Variants in CYTH3 observed in about 807,000 individuals in gnomAD.
CYTH3 encodes the protein cytohesin-3.
CYTH3 carries 23 observed loss-of-function variants against 55.1 expected under a neutral mutation model. That is an observed-to-expected ratio of 0.42 (90% CI 0.30 to 0.59). The LOEUF is 0.59. CYTH3 is among the 20% of genes least tolerant of loss of function. CYTH3 has a pLI of 0.20. For missense variants in CYTH3, 413 were observed against 524.8 expected, an observed-to-expected ratio of 0.79 and a Z score of 2.08; for synonymous variants, 249 against 194.9, an observed-to-expected ratio of 1.28 and a Z score of -2.31.
At chr7:6,247,832 T>C (rs2115043684) in intron 1 of CYTH3, among the ~76,000 whole-genome samples, 1 of 152,010 alleles carries the variant, frequency 6.6e-6, no homozygotes, top group Non-Finnish European at 1.5e-5. Flanking sequence ...TCTTGTTTTT[T>C]GTAGAGACGG....
chr7:6,184,980 T>C (rs1302700797), intron 4 of CYTH3, among the ~76,000 whole-genome samples: 1 of 152,236 alleles, frequency 6.6e-6, no homozygotes, highest in Non-Finnish European at 1.5e-5. Context: ...CTGCACTACT[T>C]GGGTCCCCTT....
chr7:6,186,148 G>A (rs1783642755), intron 4 of CYTH3, among the ~76,000 whole-genome samples: 1 of 151,576 alleles, frequency 6.6e-6, no homozygotes, highest in African/African-American at 2.4e-5. Context: ...GGAGGCTGAG[G>A]CAGGAGAATG....
intron 1 of CYTH3, among the ~76,000 whole-genome samples, chr7:6,259,425 A>T (rs936412374): frequency 6.6e-6 from 1 of 152,166 alleles, no homozygotes; most frequent in Non-Finnish European, 1.5e-5. Flanking sequence ...CTCAAAGAGT[A>T]AATTTACTCG....
Position 6,209,800 on chromosome 7 carries a change from C to T in CYTH3, c.35-19269G>A, listed in dbSNP as rs976146657. On this transcript the variant is annotated intron_variant, in intron 1 of 12. Transcript: ENST00000350796. ...GATAGTAAGAGATCAGCTCTCAAGC[C>T]TTGAAAAGACATAAAGGAACTTTAA... 2.0e-5 allele frequency among the ~76,000 whole-genome samples: 3 copies of T among 152,236 alleles called. No homozygotes were observed. In the East Asian group the frequency reaches 5.8e-4, roughly 29 times the overall value.
intron 4 of CYTH3, among the ~76,000 whole-genome samples, chr7:6,182,729 TG>T (rs955996428): frequency 3.1e-4 from 47 of 152,210 alleles, no homozygotes; most frequent in African/African-American, 1.1e-3. Context: ...AGGCTGGTTT[TG>T]AACTCCTGAG....
intron 1 of CYTH3, among the ~76,000 whole-genome samples, chr7:6,202,604 C>T (rs969181249): frequency 3.9e-5 from 6 of 152,004 alleles, no homozygotes; most frequent in Non-Finnish European, 7.4e-5. Flanking sequence ...GCTGGGATTA[C>T]AGGCATGCGC....
In CYTH3 at chr7:6,169,278, T is replaced by A. The variant is rs1349784757; in HGVS notation, c.823+1257A>T. 6.6e-6 allele frequency among the ~76,000 whole-genome samples: 1 copy of A among 152,172 alleles called. No individual in the cohort carries two copies. Among genetic ancestry groups the A allele is most frequent in the East Asian group, 1.9e-4 (1 of 5,186 alleles). On this transcript the variant is annotated intron_variant, in intron 9 of 12. Transcript: ENST00000350796. The surrounding 1 kb of genome is among the most constrained non-coding windows in gnomAD (Gnocchi z 4.1). ...CTCTGTCGCCGAGGTGGGAGAGCAG[T>A]GGCACAGTCATGGTTCATTGGAGCC...
intron 1 of CYTH3, among the ~76,000 whole-genome samples, chr7:6,192,723 G>C (rs1033177918): frequency 2.5e-4 from 38 of 150,834 alleles, no homozygotes; most frequent in African/African-American, 8.3e-4. Flanking sequence ...AGTAGAGACG[G>C]GGTTTCACCA....
At chr7:6,256,974 T>A (rs1780145778) in intron 1 of CYTH3, among the ~76,000 whole-genome samples, 1 of 152,182 alleles carries the variant, frequency 6.6e-6, no homozygotes, top group African/African-American at 2.4e-5. Context: ...AACTGAAACA[T>A]CCTAGTAACC....
At chr7:6,216,853 C>CTGTT (rs1784438848) in intron 1 of CYTH3, among the ~76,000 whole-genome samples, 1 of 139,894 alleles carries the variant, frequency 7.1e-6, no homozygotes, top group Non-Finnish European at 1.5e-5. Context: ...AAACAAAAAG[C>CTGTT]TGAACAGGAA....
At chr7:6,246,055 G>A (rs1779806140) in intron 1 of CYTH3, among the ~76,000 whole-genome samples, 3 of 152,030 alleles carry the variant, frequency 2.0e-5, no homozygotes, top group African/African-American at 7.2e-5. Context: ...GGCAAAATAG[G>A]TAATTATCCT....
At chr7:6,174,955 CTGAG>C (rs1199921071) in intron 5 of CYTH3, among the ~76,000 whole-genome samples, 1 of 152,112 alleles carries the variant, frequency 6.6e-6, no homozygotes, top group Non-Finnish European at 1.5e-5. Context: ...CAGTTTATAA[CTGAG>C]TAATTTTTGT....
chr7:6,202,806 A>T (rs962463311), intron 1 of CYTH3, among the ~76,000 whole-genome samples: 4 of 152,194 alleles, frequency 2.6e-5, no homozygotes, highest in African/African-American at 9.6e-5. Context: ...TTTGTTATGC[A>T]GTAAGAAGTA....
At chr7:6,242,788 T>G (rs1410376893) in intron 1 of CYTH3, among the ~76,000 whole-genome samples, 1 of 152,164 alleles carries the variant, frequency 6.6e-6, no homozygotes, top group East Asian at 1.9e-4. Flanking sequence ...CCTGTCATAC[T>G]ACATTCAACA....
At chr7:6,242,869 G>A (rs554130721) in intron 1 of CYTH3, among the ~76,000 whole-genome samples, 1 of 152,170 alleles carries the variant, frequency 6.6e-6, no homozygotes, top group African/African-American at 2.4e-5. Flanking sequence ...CCTGTGCTGG[G>A]ACCCCAGAAT....
chr7:6,221,902 T>A (rs926861680), intron 1 of CYTH3, among the ~76,000 whole-genome samples: 1 of 152,072 alleles, frequency 6.6e-6, no homozygotes, highest in Non-Finnish European at 1.5e-5. Flanking sequence ...CAGTGAGCTA[T>A]GATGGTGCCA....
chr7:6,214,894 C>T lies in CYTH3; in HGVS notation c.35-24363G>A, dbSNP rs117710292. Reference sequence around the variant, plus strand: ...ACAGGCAAAGAGCTGCCTAGTCATACTCTTAGTATAGAGACAATAGTATTT... The same window carrying T: ...ACAGGCAAAGAGCTGCCTAGTCATATTCTTAGTATAGAGACAATAGTATTT... On this transcript the variant is annotated intron_variant, in intron 1 of 12. Transcript: ENST00000350796. Among the ~76,000 whole-genome samples the T allele has an allele frequency of 2.6e-5, 4 of 151,998 alleles. No homozygotes were observed. The East Asian group carries it at 7.7e-4, about 29-fold the overall frequency.
At chr7:6,252,672 C>CT (rs774102996) in intron 1 of CYTH3, among the ~76,000 whole-genome samples, 25 of 152,062 alleles carry the variant, frequency 1.6e-4, no homozygotes, top group African/African-American at 3.1e-4. Flanking sequence ...AGTTAAAGCT[C>CT]TTTTTTTAAA....
chr7:6,266,961 G>T (rs771468737), intron 1 of CYTH3, among the ~76,000 whole-genome samples: 1 of 152,210 alleles, frequency 6.6e-6, no homozygotes, highest in African/African-American at 2.4e-5. Context: ...CCCAATGCTG[G>T]AGGCAGGACT....
Sources: gnomAD v4.1 joint callset for allele counts (sites outside exome capture counted in the v4.1 genomes callset) on GRCh38, gnomAD v4.1.1 for gene constraint, Gnocchi (gnomAD v3.1) non-coding constraint, MANE v1.5 for transcripts, NCBI Gene and HGNC (gene_info 2026-07-23, HGNC 2026-07-21) for gene names.